Variants in GZMK observed in about 807,000 individuals in gnomAD.
The protein encoded by GZMK is NK-Tryp-2.
A neutral mutation model predicts 22.8 loss-of-function variants in GZMK; 18 were observed. The observed-to-expected ratio is 0.79, with a 90% confidence interval of 0.54 to 1.17. GZMK has a LOEUF of 1.17. GZMK is among the 50% of genes most tolerant of loss of function. GZMK has a pLI of 0.00. For synonymous variants in GZMK, 136 were observed against 115.0 expected (o/e 1.18, Z -1.17); for missense variants, 342 against 320.2 (o/e 1.07, Z -0.52).
chr5:55,031,418 A>G lies in GZMK; in HGVS notation c.418A>G (p.Lys140Glu), dbSNP rs1470270545. The G allele has an allele frequency of 6.2e-7, 1 of 1,613,534 alleles. No homozygotes were observed. Among genetic ancestry groups the G allele is most frequent in the Non-Finnish European group, 8.5e-7 (1 of 1,179,484 alleles). Residue 140 changes from lysine to glutamate, a missense_variant, in exon 4 of 5, where the codon AAA becomes GAA. Transcript: ENST00000231009. ...TGTCAAGATGCTCCACATAAGATCC[A>G]AAACCTCTCTTAGATCTGGAACCAA... ...KHVKMLHIRSKTSLRSGTKCK... is the reference protein window; with the variant it reads ...KHVKMLHIRSETSLRSGTKCK...
intron 2 of GZMK, chr5:55,025,177 G>A (rs779797778): frequency 1.9e-5 from 3 of 161,588 alleles, no homozygotes; most frequent in Non-Finnish European, 4.0e-5. Context: ...TTTTACAAAG[G>A]GGTAATAATC....
rs1561256143 is a variant in GZMK, at chr5:55,024,695, T to A, written c.100T>A (p.Ser34Thr). ...NMEIIGGKEV[S>T]PHSRPFMASI... The stretch of plus-strand genomic sequence containing the variant: ...GGAAATTATTGGAGGGAAAGAAGTG[T>A]CACCTCATTCCAGGCCATTTATGGC... Residue 34 changes from serine to threonine, a missense_variant, in exon 2 of 5, where the codon TCA (serine) becomes ACA (threonine). Coordinates refer to ENST00000231009, the MANE Select transcript of GZMK (RefSeq NM_002104.3). 1.2e-6 allele frequency: 2 copies of A among 1,606,394 alleles called. No homozygotes were observed.
rs867639749 is a variant in GZMK at position 55,031,565 on chromosome 5, G to A, written c.565G>A (p.Gly189Ser). The change falls in exon 4 of 5, where the codon GGC becomes AGC. Residue 189 changes from glycine (G) to serine (S), a missense_variant. By Grantham distance (56) the Gly-to-Ser change is moderately conservative (BLOSUM62 0). Transcript: ENST00000231009. ...KLCNSQSYYNGDPFITKDMVC... is the reference protein window; with the variant it reads ...KLCNSQSYYNSDPFITKDMVC... ...TTGCAACAGCCAAAGTTACTACAACGGCGACCCTTTTATCACCAAAGACAT... is the reference window on the plus strand; with the variant it reads ...TTGCAACAGCCAAAGTTACTACAACAGCGACCCTTTTATCACCAAAGACAT... 6 of 1,613,850 alleles carry A rather than the reference G, an allele frequency of 3.7e-6. No individual in the cohort carries two copies. The highest frequency in any genetic ancestry group is 2.2e-5 in the South Asian group (2 of 91,076).
chr5:55,031,376 G>A lies in GZMK; in HGVS notation c.376G>A (p.Ala126Thr), dbSNP rs377736354. The A allele has an allele frequency of 5.5e-5, 89 of 1,612,742 alleles. No individual in the cohort carries two copies. Among genetic ancestry groups the A allele is most frequent in the Non-Finnish European group, 5.3e-5 (63 of 1,178,890 alleles). The change falls in exon 4 of 5, where the codon GCA becomes ACA. Residue 126 changes from alanine (A) to threonine (T), a missense_variant. Coordinates refer to ENST00000231009, the MANE Select transcript of GZMK (RefSeq NM_002104.3). ...DIMLVKLQTA[A>T]KLNKHVKMLH... ...TTCAATCTGTCAGCTTCAAACAGCC[G>A]CAAAACTCAATAAACATGTCAAGAT...
At chr5:55,030,961 A>G (rs1196277958) in intron 3 of GZMK, among the ~76,000 whole-genome samples, 4 of 152,242 alleles carry the variant, frequency 2.6e-5, no homozygotes, top group Non-Finnish European at 5.9e-5. Flanking sequence ...GGGGCTCAGC[A>G]GTGAGTTACA....
intron 4 of GZMK, 64 bp from the exon 5 acceptor site, chr5:55,033,701 G>T (rs78751882): frequency 2.4e-6 from 3 of 1,269,056 alleles, no homozygotes; most frequent in African/African-American, 3.0e-5. Flanking sequence ...AGCAGTTGGT[G>T]GTTAAAAAAC....
In GZMK at chr5:55,031,306, G is replaced by A. The variant is rs545000046; in HGVS notation, c.364-58G>A. 10 of 1,461,868 alleles carry A rather than the reference G, an allele frequency of 6.8e-6. No homozygotes were observed. In the East Asian group the frequency reaches 2.0e-4, roughly 30 times the overall value. 90.6% of individuals were successfully genotyped at this position (1,461,868 alleles called of 1,614,324 possible). A position where few individuals can be genotyped will look rare whatever the true frequency, so the allele number is the denominator to read the frequency against. Reference sequence around the variant, plus strand: ...AGAGGGACCACACATACGACGCACAGGCTAGCATCAGAATACTACTGGGAA... The same window carrying A: ...AGAGGGACCACACATACGACGCACAAGCTAGCATCAGAATACTACTGGGAA... On this transcript the variant is annotated intron_variant, in intron 3 of 4. Coordinates refer to ENST00000231009, the MANE Select transcript of GZMK (RefSeq NM_002104.3).
At chr5:55,024,619 T>C (rs1580297651) in intron 1 of GZMK, 41 bp from the exon 2 acceptor site, 2 of 1,434,908 alleles carry the variant, frequency 1.4e-6, no homozygotes, top group East Asian at 4.6e-5. Flanking sequence ...GAAACAGTAG[T>C]TTAGATCTTT....
At position 55,031,360 on chromosome 5, in the gene GZMK, T is replaced by C; in HGVS notation, c.364-4T>C. 2 of 1,610,090 alleles carry C rather than the reference T, an allele frequency of 1.2e-6. No individual in the cohort carries two copies. Among genetic ancestry groups the C allele is most frequent in the South Asian group, 1.1e-5 (1 of 90,956 alleles). ...AATAATTCCATCTTTTTTCAATCTG[T>C]CAGCTTCAAACAGCCGCAAAACTCA... On this transcript the variant is annotated splice_polypyrimidine_tract_variant and splice_region_variant and intron_variant, in intron 3 of 4. Coordinates refer to ENST00000231009, the MANE Select transcript of GZMK (RefSeq NM_002104.3).
intron 2 of GZMK, chr5:55,028,386 A>G (rs1399850809): frequency 6.6e-6 from 1 of 152,222 alleles, no homozygotes; most frequent in African/African-American, 2.4e-5. Flanking sequence ...ATCCTATGAG[A>G]AATTTCCACC....
intron 2 of GZMK, among the ~76,000 whole-genome samples, chr5:55,028,865 C>T (rs556622373): frequency 2.0e-5 from 3 of 152,134 alleles, no homozygotes; most frequent in Non-Finnish European, 4.4e-5. Context: ...GTAATTTTAT[C>T]CAACAAAGAG....
chr5:55,033,033 C>A (rs1419721208), intron 4 of GZMK, among the ~76,000 whole-genome samples: 1 of 152,182 alleles, frequency 6.6e-6, no homozygotes, highest in Non-Finnish European at 1.5e-5. Flanking sequence ...GCAATGTGAA[C>A]ATTAGCAAAG....
At chr5:55,027,467 A>T (rs1326589266) in intron 2 of GZMK, 1 of 152,402 alleles carries the variant, frequency 6.6e-6, no homozygotes, top group Admixed American at 6.5e-5. Flanking sequence ...CTGGCAGAGA[A>T]AAGAAGAGGC....
At chr5:55,033,070 G>A (rs1209601266) in intron 4 of GZMK, among the ~76,000 whole-genome samples, 1 of 151,996 alleles carries the variant, frequency 6.6e-6, no homozygotes, top group Non-Finnish European at 1.5e-5. Context: ...AAATGTAGAA[G>A]CCAGCTCTTC....
At position 55,029,542 on chromosome 5, in the gene GZMK, T is replaced by TTTG. The variant is rs1741187977; in HGVS notation, c.213-890_213-889insGTT. Among the ~76,000 whole-genome samples the TTTG allele has an allele frequency of 1.4e-3, 217 of 150,504 alleles. 1 individual carries two copies. The highest frequency in any genetic ancestry group is 7.2e-3 in the South Asian group (34 of 4,708). Reference sequence around the variant, plus strand: ...AGTGTAGGGTGGGGATCTTTGTGGTTTTTGTTTGTTTGTTTGTTTGTTTGT... The same window carrying TTTG: ...AGTGTAGGGTGGGGATCTTTGTGGTTTTGTTTGTTTGTTTGTTTGTTTGTTTGT... On this transcript the variant is annotated intron_variant, in intron 2 of 4. Transcript: ENST00000231009.
In GZMK at chr5:55,031,614, G is replaced by T; in HGVS notation, c.614G>T (p.Gly205Val). ...ATGGTCTGTGCAGGAGATGCCAAAG[G>T]CCAGAAGGATTCCTGTAAGGTAAGA... ...KDMVCAGDAK[G>V]QKDSCKGDSG... Residue 205 changes from glycine to valine, a missense_variant, in exon 4 of 5, where the codon GGC becomes GTC. Transcript: ENST00000231009. 6.2e-7 allele frequency: 1 copy of T among 1,613,368 alleles called. No individual in the cohort carries two copies. Among genetic ancestry groups the T allele is most frequent in the South Asian group, 1.1e-5 (1 of 91,066 alleles).
intron 2 of GZMK, chr5:55,028,676 G>A (rs1388615760): frequency 2.0e-5 from 3 of 152,036 alleles, no homozygotes; most frequent in African/African-American, 7.3e-5. Flanking sequence ...ATCTACTTTG[G>A]TAGCTTTTCC....
At chr5:55,027,172 C>A (rs189147105) in intron 2 of GZMK, among the ~76,000 whole-genome samples, 1 of 152,256 alleles carries the variant, frequency 6.6e-6, no homozygotes, top group Non-Finnish European at 1.5e-5. Context: ...CGCTGTTGTG[C>A]GGTTTAAATG....
Position 55,034,176 on chromosome 5 carries a change from C to T in GZMK, c.*250C>T. On this transcript the variant is annotated 3_prime_UTR_variant, in exon 5 of 5. Transcript: ENST00000231009. ...CATGAAGTAATATCTGCCCCCATTG[C>T]ACCCACACTCGCCAAAGGGCAATAA... 2.5e-6 allele frequency: 1 copy of T among 403,836 alleles called. No homozygotes were observed. The highest frequency in any genetic ancestry group is 4.0e-5 in the South Asian group (1 of 24,938). The allele number at this position is 403,836 out of a possible 1,614,324, so 25.0% of individuals were successfully genotyped here.
Sources: allele counts gnomAD v4.1 joint callset (sites outside exome capture counted in the v4.1 genomes callset), GRCh38; gene constraint gnomAD v4.1.1; transcripts MANE v1.5; gene names NCBI Gene and HGNC (gene_info 2026-07-23, HGNC 2026-07-21).